Variants in MYO1A observed in about 807,000 individuals in gnomAD.
MYO1A encodes unconventional myosin-Ia.
MYO1A carries 127 observed loss-of-function variants against 138.5 expected under a neutral mutation model. The observed-to-expected ratio is 0.92, with a 90% CI of 0.79 to 1.06. The LOEUF (loss-of-function observed/expected upper bound fraction) is 1.06. Among genes scored for constraint, MYO1A ranks in the 50% least tolerant of loss-of-function variants. MYO1A has a pLI of 0.00. For synonymous variants in MYO1A, 477 were observed against 497.5 expected, an observed-to-expected ratio of 0.96 and a Z score of 0.55; for missense variants, 1,211 against 1,288.8, an observed-to-expected ratio of 0.94 and a Z score of 0.92.
intron 10 of MYO1A, 66 bp downstream of exon 10, chr12:57,043,787 TAGA>T (rs1018394892): frequency 1.9e-6 from 3 of 1,603,826 alleles, no homozygotes; most frequent in Non-Finnish European, 2.6e-6. Flanking sequence ...CTAGAGATGG[TAGA>T]AGGACACGAC....
chr12:57,049,447 C>T (rs1446633849), intron 1 of MYO1A, among the ~76,000 whole-genome samples: 1 of 152,220 alleles, frequency 6.6e-6, no homozygotes. Context: ...GGGGCACAGG[C>T]TTCCTTCTCC....
chr12:57,043,301 A>ATGGAATTCTTCTG lies in MYO1A; in HGVS notation c.949_950insCAGAAGAATTCCA (p.Leu317SerfsTer35), dbSNP rs754854935. 17 of 1,614,082 alleles carry ATGGAATTCTTCTG rather than the reference A, an allele frequency of 1.1e-5. No individual in the cohort carries two copies. The highest frequency in any genetic ancestry group is 1.6e-4 in the Middle Eastern group (1 of 6,084). ...GGCTGTTTCCATGGTCCTCGAGCAC[A>ATGGAATTCTTCTG]AAGCTCTCTCTACTTCTTCTGAATT... On this transcript the variant is annotated frameshift_variant, in exon 11 of 28. Transcript: ENST00000300119. LOFTEE classifies it high-confidence loss of function.
Position 57,029,584 on chromosome 12 carries a change from A to T in MYO1A, c.2728T>A (p.Ser910Thr). 1.2e-6 allele frequency: 2 copies of T among 1,614,224 alleles called. No individual in the cohort carries two copies. Among genetic ancestry groups the T allele is most frequent in the Non-Finnish European group, 1.7e-6 (2 of 1,180,042 alleles). ...TTGGTCAGGAGGAGAATCCGAGAAG[A>T]AGTCTAGGGACGGAACAGGCAAGGG... The part of the protein sequence containing the change: ...KKVNRGNGKT[S>T]SRILLLTKGH... The change falls in exon 26 of 28, where the codon TCT becomes ACT. Residue 910 changes from serine to threonine, a missense_variant. Coordinates refer to ENST00000300119, the MANE Select transcript of MYO1A (RefSeq NM_005379.4).
chr12:57,043,954 A>C lies in MYO1A; in HGVS notation c.794T>G (p.Leu265Arg). ...GFSEEEIRQV[L>R]EVTSMVLKLG... ...CTTTAGCACCATGGATGTCACCTCT[A>C]GCACTTGTCGAATCTCCTCCTCCGA... The change falls in exon 10 of 28, where the codon CTA becomes CGA. Residue 265 changes from leucine (L) to arginine (R), a missense_variant. Transcript: ENST00000300119. 3 of 1,614,160 alleles carry C rather than the reference A, an allele frequency of 1.9e-6. No individual in the cohort carries two copies. The highest frequency in any genetic ancestry group is 1.7e-6 in the Non-Finnish European group (2 of 1,180,014).
rs2030131941 is a variant in MYO1A, at chr12:57,029,192, T to C, written c.2945A>G (p.Lys982Arg). The C allele has an allele frequency of 1.2e-6, 2 of 1,614,138 alleles. No individual in the cohort carries two copies. Among genetic ancestry groups the C allele is most frequent in the Non-Finnish European group, 1.7e-6 (2 of 1,180,006 alleles). The stretch of plus-strand genomic sequence containing the variant: ...GGCATCCAGCACAGCCCGGTACATT[T>C]TGGTCAGCAGTTCAATCACATGCTC... ...VSEHVIELLT[K>R]MYRAVLDATQ... The change falls in exon 27 of 28, where the codon AAA becomes AGA. Residue 982 changes from lysine to arginine, a missense_variant. Coordinates refer to ENST00000300119, the MANE Select transcript of MYO1A (RefSeq NM_005379.4).
chr12:57,037,787 C>T (rs1020844625), intron 18 of MYO1A, 82 bp downstream of exon 18: 1 of 1,521,684 alleles, frequency 6.6e-7, no homozygotes, highest in Non-Finnish European at 9.1e-7. Flanking sequence ...AGCAGATGTG[C>T]ACTGCACCTC....
chr12:57,037,728 A>G (rs1030391547), intron 18 of MYO1A, 87 bp from the exon 19 acceptor site: 1 of 1,508,110 alleles, frequency 6.6e-7, no homozygotes, highest in Non-Finnish European at 9.2e-7. Flanking sequence ...TCAGCCTCCA[A>G]GAAGTGATCA....
intron 24 of MYO1A, 75 bp downstream of exon 24, chr12:57,030,135 T>C: frequency 7.3e-7 from 1 of 1,375,604 alleles, no homozygotes; most frequent in Non-Finnish European, 1.0e-6. Context: ...TCCTGCCAGG[T>C]GATTCTAAGG....
chr12:57,037,761 C>T (rs1206621889), intron 18 of MYO1A, 108 bp downstream of exon 18: 1 of 1,483,742 alleles, frequency 6.7e-7, no homozygotes, highest in Non-Finnish European at 9.4e-7. Flanking sequence ...CTCAAAGTAT[C>T]CATTCACCCA....
chr12:57,033,605 C>T (rs947292012), intron 22 of MYO1A, among the ~76,000 whole-genome samples: 2 of 152,116 alleles, frequency 1.3e-5, no homozygotes, highest in African/African-American at 4.8e-5. Context: ...GCAATATTCC[C>T]GCCTCAGCCT....
chr12:57,047,475 G>A, intron 4 of MYO1A, 68 bp from the exon 5 acceptor site: 1 of 1,538,530 alleles, frequency 6.5e-7, no homozygotes, highest in Non-Finnish European at 9.0e-7. Context: ...TCCTTAACTT[G>A]CTTCACCCCA....
In MYO1A at chr12:57,028,837, A is replaced by C. The variant is rs758444016; in HGVS notation, c.3050T>G (p.Val1017Gly). Residue 1017 changes from valine to glycine, a missense_variant, in exon 28 of 28, where the codon GTC (valine) becomes GGC (glycine). By Grantham distance (109) the Val-to-Gly change is moderately radical. Transcript: ENST00000300119. ...GTTGTCACCACCTGCAGGGCCCTGG[A>C]CGACCTTGACAGCCACACTGTTCTC... ...FKENSVAVKV[V>G]QGPAGGDNSK... The C allele has an allele frequency of 6.2e-7, 1 of 1,613,872 alleles. No individual in the cohort carries two copies. Among genetic ancestry groups the C allele is most frequent in the South Asian group, 1.1e-5 (1 of 91,052 alleles).
At chr12:57,037,467 G>A (rs1396319600) in intron 19 of MYO1A, 81 bp downstream of exon 19, 26 of 1,225,222 alleles carry the variant, frequency 2.1e-5, no homozygotes, top group East Asian at 4.6e-5. Context: ...GGTTATACAC[G>A]CTCCCTCCCC....
At chr12:57,043,442 T>G in intron 10 of MYO1A, 84 bp from the exon 11 acceptor site, 1 of 1,296,652 alleles carries the variant, frequency 7.7e-7, no homozygotes, top group Non-Finnish European at 1.1e-6. Context: ...TGAAACTGCC[T>G]GAGACACTGG....
At position 57,034,930 on chromosome 12, in the gene MYO1A, T is replaced by G. The variant is rs191760559; in HGVS notation, c.2349+1377A>C. ...GCAGTGAGCTGAGATCGCGCCATTG[T>G]ACTCCAGCCTGGGTGACAAGAGTGA... On this transcript the variant is annotated intron_variant, in intron 22 of 27. Coordinates refer to ENST00000300119, the MANE Select transcript of MYO1A (RefSeq NM_005379.4). Among the ~76,000 whole-genome samples, 68 of 152,090 alleles carry G rather than the reference T, an allele frequency of 4.5e-4. No individual in the cohort carries two copies. In the East Asian group the frequency reaches 0.011, roughly 25 times the overall value.
At chr12:57,030,133 G>C (rs913785515) in intron 24 of MYO1A, 77 bp downstream of exon 24, 2 of 1,372,114 alleles carry the variant, frequency 1.5e-6, no homozygotes, top group Non-Finnish European at 2.1e-6. Flanking sequence ...AATCCTGCCA[G>C]GTGATTCTAA....
intron 23 of MYO1A, 139 bp from the exon 24 acceptor site, chr12:57,030,455 AGAGGCCGG>A: frequency 1.4e-6 from 1 of 699,250 alleles, no homozygotes; most frequent in Non-Finnish European, 2.5e-6. Context: ...CACCTCAGGG[AGAGGCCGG>A]GGCTGGAGGA....
intron 26 of MYO1A, 47 bp downstream of exon 26, chr12:57,029,388 C>T: frequency 6.2e-7 from 1 of 1,613,860 alleles, no homozygotes; most frequent in Non-Finnish European, 8.5e-7. Context: ...CCCTGGGATG[C>T]ATACCACCTT....
Position 57,043,304 on chromosome 12 carries a change from GCTCT to G in MYO1A, c.943_946del (p.Arg315LeufsTer18). ...TGTTTCCATGGTCCTCGAGCACAAA[GCTCT>G]CTCTACTTCTTCTGAATTCAAGCCC... is the stretch of plus-strand genomic sequence containing the variant. On this transcript the variant is annotated frameshift_variant, in exon 11 of 28. Transcript: ENST00000300119. LOFTEE classifies it high-confidence loss of function. 6.2e-7 allele frequency: 1 copy of G among 1,614,114 alleles called. No individual in the cohort carries two copies. The highest frequency in any genetic ancestry group is 8.5e-7 in the Non-Finnish European group (1 of 1,179,998).
Sources: allele counts gnomAD v4.1 joint callset (sites outside exome capture counted in the v4.1 genomes callset), GRCh38; gene constraint gnomAD v4.1.1; transcripts MANE v1.5; gene names NCBI Gene and HGNC (gene_info 2026-07-23, HGNC 2026-07-21).